The following DDX4 variants were observed in gnomAD, a reference collection of about 807,000 sequenced individuals.
DDX4 encodes the protein probable ATP-dependent RNA helicase DDX4.
DDX4 carries 25 observed loss-of-function variants against 100.0 expected under a neutral mutation model. That is an observed-to-expected ratio of 0.25 (90% CI 0.18 to 0.35). The LOEUF (loss-of-function observed/expected upper bound fraction) is 0.35. Ranked by LOEUF, DDX4 falls within the 10% of genes least tolerant of loss-of-function variation. DDX4 has a pLI of 1.00. For synonymous variants in DDX4, 259 were observed against 275.7 expected (o/e 0.94, Z 0.60); for missense variants, 635 against 882.4 (o/e 0.72, Z 3.55).
intron 18 of DDX4, among the ~76,000 whole-genome samples, chr5:55,801,040 G>T (rs796641654): frequency 6.6e-6 from 1 of 151,880 alleles, no homozygotes; most frequent in African/African-American, 2.4e-5. Context: ...CTTTAGTTAC[G>T]AAAGGAACCA....
chr5:55,763,996 A>G lies in DDX4; in HGVS notation c.284-18A>G. 20 of 1,586,858 alleles carry G rather than the reference A, an allele frequency of 1.3e-5. No homozygotes were observed. Among genetic ancestry groups the G allele is most frequent in the Non-Finnish European group, 1.6e-5 (18 of 1,155,928 alleles). The stretch of plus-strand genomic sequence containing the variant: ...CCACAGAGGTACAGGAAATTGTTTC[A>G]TTTTATATTTTGTATAGGTTTTTCA... On this transcript the variant is annotated intron_variant, in intron 5 of 21. Transcript: ENST00000505374.
intron 18 of DDX4, among the ~76,000 whole-genome samples, chr5:55,813,378 T>G (rs1169934873): frequency 6.6e-6 from 1 of 152,180 alleles, no homozygotes; most frequent in Non-Finnish European, 1.5e-5. Context: ...TTTATATTAC[T>G]AAGAGTTGGC....
chr5:55,764,197 CA>C (rs2111819858), intron 6 of DDX4, 133 bp downstream of exon 6: 1 of 662,690 alleles, frequency 1.5e-6, no homozygotes, highest in African/African-American at 1.8e-5. Context: ...TAGCTATATC[CA>C]AAGCCTTAAC....
Position 55,786,651 on chromosome 5 carries a change from A to C in DDX4, c.998A>C (p.Gln333Pro), listed in dbSNP as rs767592092. ...GGACGAGATTTGATGGCTTGCGCTC[A>C]AACAGGGTCTGGGAAGACTGTAAGT... Reference protein sequence around the residue: ...LAGRDLMACAQTGSGKTAAFL... With the variant: ...LAGRDLMACAPTGSGKTAAFL... The change falls in exon 14 of 22, where the codon CAA becomes CCA. Residue 333 changes from glutamine to proline, a missense_variant. This residue lies in a region of DDX4 where 446 missense variants were observed against 540.8 expected (regional missense o/e 0.82). Transcript: ENST00000505374. 1 of 1,613,520 alleles carries C rather than the reference A, an allele frequency of 6.2e-7. No homozygotes were observed. Among genetic ancestry groups the C allele is most frequent in the East Asian group, 2.2e-5 (1 of 44,862 alleles).
chr5:55,788,076 C>A, intron 15 of DDX4, 76 bp downstream of exon 15: 1 of 1,292,662 alleles, frequency 7.7e-7, no homozygotes, highest in Non-Finnish European at 1.1e-6. Context: ...TGGAAGAACT[C>A]AGTAATAATG....
At chr5:55,795,267 G>C (rs970107768) in intron 17 of DDX4, among the ~76,000 whole-genome samples, 2 of 152,130 alleles carry the variant, frequency 1.3e-5, no homozygotes, top group African/African-American at 4.8e-5. Flanking sequence ...ACCCGGCCCA[G>C]ACTTTTAAAT....
At chr5:55,752,753 C>T (rs1007506123) in intron 3 of DDX4, among the ~76,000 whole-genome samples, 4 of 143,354 alleles carry the variant, frequency 2.8e-5, no homozygotes, top group East Asian at 2.1e-4. Context: ...CCTGAGGAAT[C>T]GCCACACTGA....
intron 4 of DDX4, 27 bp downstream of exon 4, chr5:55,760,304 T>C (rs755248782): frequency 1.3e-6 from 2 of 1,522,888 alleles, no homozygotes; most frequent in South Asian, 1.3e-5. Context: ...TTCCTTAATC[T>C]CCTGAACTGT....
At chr5:55,800,733 T>TTA (rs1743245661) in intron 18 of DDX4, among the ~76,000 whole-genome samples, 1 of 152,204 alleles carries the variant, frequency 6.6e-6, no homozygotes, top group Non-Finnish European at 1.5e-5. Context: ...GGTCAATGTA[T>TTA]TATATATGAG....
At chr5:55,749,451 A>C (rs1262468464) in intron 3 of DDX4, among the ~76,000 whole-genome samples, 6 of 152,118 alleles carry the variant, frequency 3.9e-5, no homozygotes, top group Non-Finnish European at 8.8e-5. Context: ...AATTCTGCTG[A>C]ACCTTGCCTG....
intron 6 of DDX4, among the ~76,000 whole-genome samples, chr5:55,767,358 C>T (rs1740989217): frequency 6.6e-6 from 1 of 152,212 alleles, no homozygotes; most frequent in African/African-American, 2.4e-5. Context: ...GGGATAATCG[C>T]TTGAACCCGG....
At chr5:55,776,314 A>G (rs2111934188) in intron 7 of DDX4, among the ~76,000 whole-genome samples, 1 of 152,338 alleles carries the variant, frequency 6.6e-6, no homozygotes, top group Middle Eastern at 3.4e-3. Context: ...AGATAGACTA[A>G]GACCTGTGGT....
intron 18 of DDX4, among the ~76,000 whole-genome samples, chr5:55,799,959 C>T (rs1743195604): frequency 6.6e-6 from 1 of 152,114 alleles, no homozygotes; most frequent in Non-Finnish European, 1.5e-5. Flanking sequence ...CACTTACAGG[C>T]TTCTGGTCTT....
At chr5:55,794,142 A>G (rs1375442339) in intron 17 of DDX4, among the ~76,000 whole-genome samples, 1 of 151,944 alleles carries the variant, frequency 6.6e-6, no homozygotes, top group Non-Finnish European at 1.5e-5. Flanking sequence ...TTAGTGGTAC[A>G]TAAAACAATC....
chr5:55,742,806 A>T (rs1759049897), intron 2 of DDX4, among the ~76,000 whole-genome samples: 1 of 152,178 alleles, frequency 6.6e-6, no homozygotes, highest in East Asian at 1.9e-4. Flanking sequence ...ACTGGAGAAG[A>T]CAGAATAAGC....
intron 6 of DDX4, among the ~76,000 whole-genome samples, chr5:55,765,316 A>G (rs1404370282): frequency 6.7e-6 from 1 of 149,298 alleles, no homozygotes; most frequent in Non-Finnish European, 1.5e-5. Flanking sequence ...TTCTCATGGC[A>G]CTTGAGAGAA....
intron 7 of DDX4, among the ~76,000 whole-genome samples, chr5:55,773,597 AG>A (rs145570071): frequency 0.11 from 16,628 of 151,894 alleles, 1,038 homozygotes; most frequent in East Asian, 0.15. Flanking sequence ...CATTCTACTG[AG>A]TATGAAGTGG....
intron 3 of DDX4, among the ~76,000 whole-genome samples, chr5:55,759,692 T>A (rs943684553): frequency 2.6e-5 from 4 of 152,130 alleles, no homozygotes; most frequent in Non-Finnish European, 5.9e-5. Context: ...CTTATAAAAA[T>A]TTTTTTATGT....
In DDX4 at chr5:55,805,253, G is replaced by A. The variant is rs866138390; in HGVS notation, c.1615+6682G>A. Among the ~76,000 whole-genome samples, 752 of 151,876 alleles carry A rather than the reference G, an allele frequency of 5.0e-3. 3 individuals carry two copies. Among genetic ancestry groups the A allele is most frequent in the African/African-American group, 0.016 (648 of 41,320 alleles). Reference sequence around the variant, plus strand: ...GACGATGGGGTTTTCTAGATATACAGTCATGTCATCTGCAAACAGAGACAA... The same window carrying A: ...GACGATGGGGTTTTCTAGATATACAATCATGTCATCTGCAAACAGAGACAA... On this transcript the variant is annotated intron_variant, in intron 18 of 21. Coordinates refer to ENST00000505374, the MANE Select transcript of DDX4 (RefSeq NM_024415.3).
Sources: gnomAD v4.1 joint callset for allele counts (sites outside exome capture counted in the v4.1 genomes callset) on GRCh38, gnomAD v4.1.1 for gene constraint, gnomAD v4.1.1 regional missense constraint, MANE v1.5 for transcripts, NCBI Gene and HGNC (gene_info 2026-07-23, HGNC 2026-07-21) for gene names.